PCDH7: variants seen among roughly 807,000 people sequenced by gnomAD.
PCDH7 encodes protocadherin 7, also known as protocadherin-7.
PCDH7 carries 17 observed loss-of-function variants against 58.9 expected under a neutral mutation model. The observed-to-expected ratio is 0.29, with a 90% CI of 0.20 to 0.43. The LOEUF (loss-of-function observed/expected upper bound fraction) is 0.43, where lower values mean the gene tolerates loss of function less well. Ranked by LOEUF, PCDH7 falls within the 20% of genes least tolerant of loss-of-function variation. The pLI is 1.00. For missense variants in PCDH7, 1,274 were observed against 1,441.0 expected, an observed-to-expected ratio of 0.88 and a Z score of 1.88; for synonymous variants, 664 against 616.4, an observed-to-expected ratio of 1.08 and a Z score of -1.14.
chr4:30,847,995 A>G (rs1286150647), intron 1 of PCDH7, among the ~76,000 whole-genome samples: 1 of 152,146 alleles, frequency 6.6e-6, no homozygotes, highest in Non-Finnish European at 1.5e-5. Flanking sequence ...AGCTATTAAT[A>G]TATATTTAAT....
intron 1 of PCDH7, among the ~76,000 whole-genome samples, chr4:30,896,624 C>G (rs1266903158): frequency 6.6e-6 from 1 of 151,944 alleles, no homozygotes; most frequent in Non-Finnish European, 1.5e-5. Context: ...CACACCAATT[C>G]AGACTAATTG....
intron 3 of PCDH7, among the ~76,000 whole-genome samples, chr4:31,103,611 A>G (rs1267076531): frequency 6.6e-6 from 1 of 152,152 alleles, no homozygotes; most frequent in Non-Finnish European, 1.5e-5. Flanking sequence ...TGCTGGGATT[A>G]CAAGCATGAG....
At chr4:31,016,796 TGTGC>T (rs1475837399) in intron 3 of PCDH7, among the ~76,000 whole-genome samples, 1 of 151,618 alleles carries the variant, frequency 6.6e-6, no homozygotes, top group African/African-American at 2.4e-5. Context: ...TGTGTGTGTG[TGTGC>T]GTGTGTGCAT....
At chr4:31,024,094 G>T (rs996444614) in intron 3 of PCDH7, among the ~76,000 whole-genome samples, 4 of 152,166 alleles carry the variant, frequency 2.6e-5, no homozygotes, top group African/African-American at 9.7e-5. Context: ...GAAGGGTAGT[G>T]ATTTGTTTGA....
chr4:31,078,639 A>ATTTTTTTTTT (rs10709152), intron 3 of PCDH7, among the ~76,000 whole-genome samples: 5 of 73,564 alleles, frequency 6.8e-5, no homozygotes, highest in Non-Finnish European at 9.8e-5. Flanking sequence ...ACCATGCCCC[A>ATTTTTTTTTT]TTTTTTTTTT....
intron 3 of PCDH7, among the ~76,000 whole-genome samples, chr4:31,097,638 A>ATATATATATAT (rs370034723): frequency 3.4e-4 from 27 of 79,234 alleles, no homozygotes; most frequent in Middle Eastern, 7.5e-3. Flanking sequence ...ATATATATAT[A>ATATATATATAT]AATCTTTTTT....
chr4:30,989,756 A>G (rs986742963), intron 3 of PCDH7, among the ~76,000 whole-genome samples: 13 of 152,164 alleles, frequency 8.5e-5, no homozygotes, highest in African/African-American at 3.1e-4. Context: ...GTTATGTTGT[A>G]TATTTCCAAC....
chr4:31,028,405 C>G (rs924984374), intron 3 of PCDH7, among the ~76,000 whole-genome samples: 5 of 152,040 alleles, frequency 3.3e-5, no homozygotes, highest in African/African-American at 1.2e-4. Context: ...AATTGTAGTA[C>G]TTTGGGCCGC....
chr4:31,081,874 G>T (rs1711533265), intron 3 of PCDH7, among the ~76,000 whole-genome samples: 2 of 151,600 alleles, frequency 1.3e-5, no homozygotes, highest in Non-Finnish European at 2.9e-5. Flanking sequence ...CTGGGTTCAA[G>T]CAATTCTGCT....
chr4:31,101,374 T>C (rs1714872161), intron 3 of PCDH7, among the ~76,000 whole-genome samples: 1 of 152,206 alleles, frequency 6.6e-6, no homozygotes, highest in Admixed American at 6.5e-5. Flanking sequence ...AGTGAACTTG[T>C]AGGCATCACT....
At chr4:30,985,043 T>G (rs1398308292) in intron 3 of PCDH7, among the ~76,000 whole-genome samples, 1 of 152,206 alleles carries the variant, frequency 6.6e-6, no homozygotes, top group African/African-American at 2.4e-5. Flanking sequence ...CTCCGCTCAC[T>G]GCAACCTCCG....
At chr4:30,806,560 TC>T (rs1433230863) in intron 1 of PCDH7, among the ~76,000 whole-genome samples, 1 of 151,842 alleles carries the variant, frequency 6.6e-6, no homozygotes, top group Non-Finnish European at 1.5e-5. Flanking sequence ...TGCCTCGGCT[TC>T]CCAAAGTGCT....
In PCDH7 at chr4:31,111,707, A is replaced by G. The variant is rs183650564; in HGVS notation, c.*8-30766A>G. Among the ~76,000 whole-genome samples, 221 of 152,352 alleles carry G rather than the reference A, an allele frequency of 1.5e-3. 1 individual carries two copies. Among genetic ancestry groups the G allele is most frequent in the Middle Eastern group, 3.4e-3 (1 of 294 alleles). On this transcript the variant is annotated intron_variant, in intron 3 of 3. Coordinates refer to the PCDH7 transcript ENST00000509759. ...ATACTATATTGTAGACACTCTAAGA[A>G]CAAGTAGTTAGAAGAAAAGGCACTT...
intron 3 of PCDH7, among the ~76,000 whole-genome samples, chr4:31,115,882 G>A (rs1716927905): frequency 6.6e-6 from 1 of 152,070 alleles, no homozygotes; most frequent in African/African-American, 2.4e-5. Flanking sequence ...TTCCAAAACA[G>A]ATAAGAAAAA....
intron 1 of PCDH7, among the ~76,000 whole-genome samples, chr4:30,787,715 A>G (rs974123903): frequency 5.3e-5 from 8 of 152,072 alleles, no homozygotes; most frequent in Admixed American, 6.6e-5. Flanking sequence ...TACTTGCTCA[A>G]TTGAAGATAC....
intron 1 of PCDH7, among the ~76,000 whole-genome samples, chr4:30,868,280 A>G (rs1351219901): frequency 6.6e-6 from 1 of 152,108 alleles, no homozygotes; most frequent in African/African-American, 2.4e-5. Flanking sequence ...TATTTTAAAG[A>G]TGAAGAAATG....
intron 1 of PCDH7, among the ~76,000 whole-genome samples, chr4:30,819,434 G>A (rs1201347582): frequency 2.0e-5 from 3 of 152,132 alleles, no homozygotes; most frequent in Non-Finnish European, 2.9e-5. Context: ...ATCTGATAAT[G>A]TTTGGGTGGA....
At chr4:31,052,990 G>C (rs887280930) in intron 3 of PCDH7, among the ~76,000 whole-genome samples, 1 of 151,774 alleles carries the variant, frequency 6.6e-6, no homozygotes, top group African/African-American at 2.4e-5. Flanking sequence ...TATTCGTCAC[G>C]AGTCAAATTA....
intron 3 of PCDH7, among the ~76,000 whole-genome samples, chr4:31,115,091 C>G (rs1223223304): frequency 6.6e-6 from 1 of 152,184 alleles, no homozygotes; most frequent in Non-Finnish European, 1.5e-5. Context: ...CTCCCTCCTC[C>G]ACTTTCGCTT....
Sources: gnomAD v4.1 joint callset for allele counts (sites outside exome capture counted in the v4.1 genomes callset) on GRCh38, gnomAD v4.1.1 for gene constraint, MANE v1.5 for transcripts, NCBI Gene and HGNC (gene_info 2026-07-23, HGNC 2026-07-21) for gene names.